EEFSEC: variants seen among roughly 807,000 people sequenced by gnomAD.
The protein encoded by EEFSEC is eukaryotic elongation factor, selenocysteine-tRNA specific.
EEFSEC carries 43 observed loss-of-function variants against 42.1 expected under a neutral mutation model. The ratio of observed to expected loss-of-function variants is 1.02; its 90% CI spans 0.80 to 1.32. The LOEUF is 1.32. Ranked by LOEUF, EEFSEC falls within the 40% of genes most tolerant of loss-of-function variation. The pLI is 0.00. For synonymous variants in EEFSEC, 354 were observed against 339.1 expected (o/e 1.04, Z -0.48); for missense variants, 745 against 803.6 (o/e 0.93, Z 0.88).
At chr3:128,240,048 T>C (rs1360678448) in intron 1 of EEFSEC, among the ~76,000 whole-genome samples, 1 of 152,174 alleles carries the variant, frequency 6.6e-6, no homozygotes, top group East Asian at 1.9e-4. Flanking sequence ...TGAGAGAGAG[T>C]GCATGAGTGT....
chr3:128,398,635 C>A (rs1025684161), intron 6 of EEFSEC, among the ~76,000 whole-genome samples: 1 of 152,128 alleles, frequency 6.6e-6, no homozygotes, highest in Non-Finnish European at 1.5e-5. Flanking sequence ...CTGCCCCTGC[C>A]GGGCCTGCAG....
chr3:128,397,145 T>C (rs61540444), intron 6 of EEFSEC, among the ~76,000 whole-genome samples: 2,257 of 152,318 alleles, frequency 0.015, 50 homozygotes, highest in African/African-American at 0.051. Context: ...TCATTCTGGT[T>C]GGGGGAGTCC....
chr3:128,350,041 G>A (rs547873528), intron 5 of EEFSEC, among the ~76,000 whole-genome samples: 61 of 152,356 alleles, frequency 4.0e-4, no homozygotes, highest in East Asian at 1.4e-3. Context: ...CACTGGCGCC[G>A]GTCAGGGAAG....
intron 1 of EEFSEC, 147 bp downstream of exon 1, chr3:128,153,970 A>G (rs1171527857): frequency 8.2e-6 from 10 of 1,221,154 alleles, no homozygotes; most frequent in Non-Finnish European, 1.1e-5. Flanking sequence ...GGCGGACGTG[A>G]CTTGCCTAGG....
chr3:128,368,458 CAAAA>C (rs1553760866), intron 6 of EEFSEC, among the ~76,000 whole-genome samples: 1 of 148,600 alleles, frequency 6.7e-6, no homozygotes, highest in Non-Finnish European at 1.5e-5. Flanking sequence ...AAAAAAAAAA[CAAAA>C]AAAGAAGTAC....
chr3:128,234,946 T>C (rs1025215316), intron 1 of EEFSEC, among the ~76,000 whole-genome samples: 1 of 152,264 alleles, frequency 6.6e-6, no homozygotes, highest in East Asian at 1.9e-4. Context: ...CATGTCTGGC[T>C]AGAACTTAAT....
chr3:128,317,412 G>A lies in EEFSEC; in HGVS notation c.787-23821G>A, dbSNP rs921175111. ...CTACCCTCAGCGTGTGCTTGGTGCT[G>A]CTGCATGCCAGGCACACTGTGAGAA... On this transcript the variant is annotated intron_variant, in intron 4 of 6. Coordinates refer to ENST00000254730, the MANE Select transcript of EEFSEC (RefSeq NM_021937.5). This position sits in a 1 kb window ranked among gnomAD's most constrained non-coding sequence, Gnocchi z 4.1. 2.0e-5 allele frequency among the ~76,000 whole-genome samples: 3 copies of A among 152,248 alleles called. No individual in the cohort carries two copies. Among genetic ancestry groups the A allele is most frequent in the Admixed American group, 6.5e-5 (1 of 15,290 alleles).
chr3:128,289,617 T>C (rs1261528717), intron 4 of EEFSEC, among the ~76,000 whole-genome samples: 1 of 152,248 alleles, frequency 6.6e-6, no homozygotes, highest in Admixed American at 6.5e-5. Flanking sequence ...TTTTAAAATA[T>C]AGGCTTGAGT....
intron 1 of EEFSEC, among the ~76,000 whole-genome samples, chr3:128,188,046 G>T (rs544197105): frequency 6.6e-6 from 1 of 152,256 alleles, no homozygotes; most frequent in Admixed American, 6.5e-5. Context: ...CTTTGTTCTG[G>T]GGGCAGCAGA....
chr3:128,360,854 A>G lies in EEFSEC; in HGVS notation c.1600+2481A>G, dbSNP rs934854776. On this transcript the variant is annotated intron_variant, in intron 6 of 6. Coordinates refer to ENST00000254730, the MANE Select transcript of EEFSEC (RefSeq NM_021937.5). ...CCTGTTTGTGGCTTTTAAGCTTTTT[A>G]TTAAATATCACTGGTCAGATTCCTC... 2.0e-5 allele frequency among the ~76,000 whole-genome samples: 3 copies of G among 152,148 alleles called. No individual in the cohort carries two copies. In the East Asian group the frequency reaches 5.8e-4, roughly 29 times the overall value.
intron 1 of EEFSEC, among the ~76,000 whole-genome samples, chr3:128,190,313 A>ATGAGG (rs2065510087): frequency 6.6e-6 from 1 of 152,232 alleles, no homozygotes; most frequent in African/African-American, 2.4e-5. Context: ...AACAAGATGT[A>ATGAGG]TGAGGTGGAA....
chr3:128,403,212 C>A (rs1393202578), intron 6 of EEFSEC, among the ~76,000 whole-genome samples: 1 of 152,112 alleles, frequency 6.6e-6, no homozygotes, highest in Non-Finnish European at 1.5e-5. Context: ...CAGAGACAGG[C>A]CAGGTGTGCC....
chr3:128,426,002 AAT>A, the EEFSEC span, among the ~76,000 whole-genome samples: 1 of 152,184 alleles, frequency 6.6e-6, no homozygotes, highest in African/African-American at 2.4e-5. Flanking sequence ...TTTTTGGATG[AAT>A]GCTGAGTTCC....
intron 1 of EEFSEC, among the ~76,000 whole-genome samples, chr3:128,184,224 A>G (rs2065441442): frequency 6.6e-6 from 1 of 152,236 alleles, no homozygotes; most frequent in East Asian, 1.9e-4. Context: ...ATATTTAAGT[A>G]TACAGTTCAG....
intron 1 of EEFSEC, among the ~76,000 whole-genome samples, chr3:128,246,506 G>A (rs1417375447): frequency 6.6e-6 from 1 of 152,104 alleles, no homozygotes; most frequent in Non-Finnish European, 1.5e-5. Flanking sequence ...CTGTCAAATG[G>A]AATGAAAGTG....
chr3:128,162,158 G>A (rs1231231746), intron 1 of EEFSEC, among the ~76,000 whole-genome samples: 1 of 152,192 alleles, frequency 6.6e-6, no homozygotes, highest in Non-Finnish European at 1.5e-5. Context: ...TTAGTTCCTA[G>A]TATCCATCAG....
chr3:128,236,740 T>G (rs566060223), intron 1 of EEFSEC, among the ~76,000 whole-genome samples: 1 of 152,202 alleles, frequency 6.6e-6, no homozygotes, highest in Non-Finnish European at 1.5e-5. Context: ...ACCAACTCCT[T>G]CTCCGCTGAG....
At chr3:128,332,284 C>T (rs1170054595) in intron 4 of EEFSEC, among the ~76,000 whole-genome samples, 1 of 152,164 alleles carries the variant, frequency 6.6e-6, no homozygotes, top group Non-Finnish European at 1.5e-5. Context: ...AAACATGGTG[C>T]CACTGTTTAC....
At chr3:128,277,109 G>A (rs942720975) in intron 4 of EEFSEC, among the ~76,000 whole-genome samples, 1 of 152,246 alleles carries the variant, frequency 6.6e-6, no homozygotes, top group Admixed American at 6.5e-5. Context: ...CCTGCAGTCT[G>A]TGTCGGGCCC....
Sources: gnomAD v4.1 joint callset for allele counts (sites outside exome capture counted in the v4.1 genomes callset) on GRCh38, gnomAD v4.1.1 for gene constraint, Gnocchi (gnomAD v3.1) non-coding constraint, MANE v1.5 for transcripts, NCBI Gene and HGNC (gene_info 2026-07-23, HGNC 2026-07-21) for gene names.